The following OR6N1 variants were observed in gnomAD, a reference collection of about 807,000 sequenced individuals.
OR6N1 encodes the protein olfactory receptor family 6 subfamily N member 1, also known as olfactory receptor 6N1.
For synonymous variants in OR6N1, 170 were observed against 150.7 expected (o/e 1.13, Z -0.94); for missense variants, 394 against 371.7 (o/e 1.06, Z -0.49).
the OR6N1 span, among the ~76,000 whole-genome samples, chr1:158,801,877 A>G: frequency 2.6e-5 from 4 of 152,010 alleles, no homozygotes. Flanking sequence ...ACCCCTGCCC[A>G]TTACCTGATG....
At chr1:158,815,533 G>A in the OR6N1 span, among the ~76,000 whole-genome samples, 1 of 152,106 alleles carries the variant, frequency 6.6e-6, no homozygotes, top group African/African-American at 2.4e-5. Context: ...ATATACACAG[G>A]ATGCTCCAGG....
the OR6N1 span, among the ~76,000 whole-genome samples, chr1:158,812,804 C>T: frequency 6.6e-6 from 1 of 152,068 alleles, no homozygotes; most frequent in Non-Finnish European, 1.5e-5. Flanking sequence ...ATCTAAAGTA[C>T]AGCTAAAAAA....
upstream of OR6N1, chr1:158,777,173 A>G: frequency 6.2e-7 from 1 of 1,614,154 alleles, no homozygotes; most frequent in Non-Finnish European, 8.5e-7. Flanking sequence ...GAAATGGGAC[A>G]CAGGAAGCCA....
At chr1:158,823,370 A>C in the OR6N1 span, among the ~76,000 whole-genome samples, 141 of 152,116 alleles carry the variant, frequency 9.3e-4, no homozygotes, top group African/African-American at 3.2e-3. Context: ...GCTTTTTATT[A>C]CTGATTCAAT....
upstream of OR6N1, chr1:158,776,735 T>G (rs1452969813): frequency 6.2e-7 from 1 of 1,613,582 alleles, no homozygotes; most frequent in South Asian, 1.1e-5. Context: ...GTCCTCTTGA[T>G]AGCTTTAATG....
At chr1:158,817,845 G>A in the OR6N1 span, among the ~76,000 whole-genome samples, 661 of 152,296 alleles carry the variant, frequency 4.3e-3, 3 homozygotes, top group African/African-American at 0.015. Flanking sequence ...TAATGCTGAG[G>A]GGCAGAGAAT....
the OR6N1 span, among the ~76,000 whole-genome samples, chr1:158,837,273 T>C: frequency 4.0e-5 from 6 of 151,884 alleles, no homozygotes; most frequent in African/African-American, 1.2e-4. Flanking sequence ...TTTTCTTCTG[T>C]CAGATTGTTC....
the OR6N1 span, among the ~76,000 whole-genome samples, chr1:158,835,618 G>GC: frequency 1.1e-5 from 1 of 88,376 alleles, no homozygotes; most frequent in Non-Finnish European, 2.3e-5. Context: ...TTTTTGGTGG[G>GC]GGCGGGGGGT....
At chr1:158,779,018 C>CAAAA in the OR6N1 span, among the ~76,000 whole-genome samples, 1 of 86,384 alleles carries the variant, frequency 1.2e-5, no homozygotes, top group African/African-American at 5.5e-5. Context: ...GACTGCGTCT[C>CAAAA]AAAAAAAAAA....
the OR6N1 span, among the ~76,000 whole-genome samples, chr1:158,790,121 G>C: frequency 1.3e-5 from 2 of 152,138 alleles, no homozygotes; most frequent in Non-Finnish European, 2.9e-5. Context: ...TGTTCGTGGT[G>C]TATTTGTCAA....
the OR6N1 span, chr1:158,795,980 T>A: frequency 6.6e-6 from 1 of 152,238 alleles, no homozygotes; most frequent in African/African-American, 2.4e-5. Context: ...ACGTTAACAA[T>A]GCCTTCAACC....
chr1:158,818,049 G>A, the OR6N1 span, among the ~76,000 whole-genome samples: 1 of 151,974 alleles, frequency 6.6e-6, no homozygotes, highest in Non-Finnish European at 1.5e-5. Context: ...TCTTTAATTG[G>A]GTCTTCCATT....
At chr1:158,779,592 T>C in the OR6N1 span, among the ~76,000 whole-genome samples, 1 of 152,254 alleles carries the variant, frequency 6.6e-6, no homozygotes, top group African/African-American at 2.4e-5. Context: ...TGAAAGCAAC[T>C]GATACTTAAA....
chr1:158,801,730 C>G, the OR6N1 span, among the ~76,000 whole-genome samples: 1 of 152,128 alleles, frequency 6.6e-6, no homozygotes, highest in Non-Finnish European at 1.5e-5. Flanking sequence ...AAAAATGTTT[C>G]TAGGGTGGAT....
chr1:158,835,476 G>T, the OR6N1 span, among the ~76,000 whole-genome samples: 5 of 151,944 alleles, frequency 3.3e-5, no homozygotes, highest in African/African-American at 9.7e-5. Context: ...TGCTGGATTT[G>T]TTTATCAATT....
chr1:158,799,731 A>G, the OR6N1 span, among the ~76,000 whole-genome samples: 1 of 152,206 alleles, frequency 6.6e-6, no homozygotes, highest in South Asian at 2.1e-4. Context: ...ACATCATGGG[A>G]TGGTTTGTGT....
At chr1:158,800,873 C>T in the OR6N1 span, among the ~76,000 whole-genome samples, 1 of 152,196 alleles carries the variant, frequency 6.6e-6, no homozygotes, top group Non-Finnish European at 1.5e-5. Flanking sequence ...TATCCTCAGA[C>T]AGGGAATCTC....
At chr1:158,798,114 T>C in the OR6N1 span, among the ~76,000 whole-genome samples, 1 of 152,082 alleles carries the variant, frequency 6.6e-6, no homozygotes, top group Admixed American at 6.5e-5. Context: ...AATTGTTCAT[T>C]CTTAATCTTT....
At chr1:158,819,144 T>C in the OR6N1 span, among the ~76,000 whole-genome samples, 1 of 152,192 alleles carries the variant, frequency 6.6e-6, no homozygotes, top group African/African-American at 2.4e-5. Context: ...ACCCCCTCCA[T>C]GAGTTGTGGA....
Sources: gnomAD v4.1 joint callset for allele counts (sites outside exome capture counted in the v4.1 genomes callset) on GRCh38, gnomAD v4.1.1 for gene constraint, MANE v1.5 for transcripts, NCBI Gene and HGNC (gene_info 2026-07-23, HGNC 2026-07-21) for gene names.